The following PTPRD variants were observed in gnomAD, a reference collection of about 807,000 sequenced individuals.
PTPRD encodes the protein receptor-type tyrosine-protein phosphatase delta.
Under a neutral mutation model 214.5 loss-of-function variants are expected in PTPRD, and 34 were observed. The observed-to-expected ratio is 0.16, with a 90% CI of 0.12 to 0.21. The LOEUF (loss-of-function observed/expected upper bound fraction) is 0.21, where lower values mean the gene tolerates loss of function less well. Ranked by LOEUF, PTPRD falls within the 10% of genes least tolerant of loss-of-function variation. The pLI is 1.00. For missense variants in PTPRD, 2,545 were observed against 2,398.7 expected, an observed-to-expected ratio of 1.06 and a Z score of -1.27; for synonymous variants, 1,128 against 845.7, an observed-to-expected ratio of 1.33 and a Z score of -5.79.
intron 3 of PTPRD, among the ~76,000 whole-genome samples, chr9:10,251,340 T>G (rs190055528): frequency 2.5e-4 from 38 of 152,036 alleles, no homozygotes; most frequent in Non-Finnish European, 5.6e-4. Context: ...ATTAAGTAAA[T>G]CAAGGTCATA....
At chr9:9,594,497 C>T (rs1445311579) in intron 7 of PTPRD, among the ~76,000 whole-genome samples, 1 of 152,016 alleles carries the variant, frequency 6.6e-6, no homozygotes, top group Non-Finnish European at 1.5e-5. Flanking sequence ...ATGTGGCTTG[C>T]CAATTATCCC....
At chr9:8,538,280 T>G (rs2077435958) in intron 14 of PTPRD, among the ~76,000 whole-genome samples, 1 of 152,026 alleles carries the variant, frequency 6.6e-6, no homozygotes, top group Admixed American at 6.6e-5. Flanking sequence ...AATCATAAAA[T>G]GAATTTTATT....
chr9:10,175,971 C>T (rs573978842), intron 3 of PTPRD, among the ~76,000 whole-genome samples: 10 of 152,018 alleles, frequency 6.6e-5, no homozygotes, highest in Admixed American at 3.3e-4. Flanking sequence ...AGTAGAGTAA[C>T]AATAGACATA....
At chr9:9,209,871 G>T (rs1326423863) in intron 9 of PTPRD, among the ~76,000 whole-genome samples, 1 of 152,120 alleles carries the variant, frequency 6.6e-6, no homozygotes, top group East Asian at 1.9e-4. Flanking sequence ...TCCTGGGTCA[G>T]ATACAAAGGA....
At chr9:8,649,823 G>C (rs989070599) in intron 12 of PTPRD, among the ~76,000 whole-genome samples, 12 of 152,116 alleles carry the variant, frequency 7.9e-5, no homozygotes, top group Non-Finnish European at 1.0e-4. Context: ...TAAAATATTA[G>C]ATGATTCCAA....
At chr9:9,584,512 T>C (rs988394565) in intron 7 of PTPRD, among the ~76,000 whole-genome samples, 2 of 151,918 alleles carry the variant, frequency 1.3e-5, no homozygotes. Flanking sequence ...CCCTCCCATT[T>C]TGTACCTGCT....
intron 11 of PTPRD, among the ~76,000 whole-genome samples, chr9:8,750,315 G>A (rs993326545): frequency 3.3e-5 from 5 of 151,706 alleles, no homozygotes; most frequent in Middle Eastern, 3.2e-3. Flanking sequence ...GGGCCACCAC[G>A]CCCGGCTAAT....
intron 2 of PTPRD, among the ~76,000 whole-genome samples, chr9:10,420,646 G>A (rs1028252020): frequency 6.6e-6 from 1 of 151,710 alleles, no homozygotes; most frequent in African/African-American, 2.4e-5. Context: ...TTCTTATACC[G>A]AATTCTCAAC....
chr9:8,409,532 T>G (rs2093343793), intron 35 of PTPRD, among the ~76,000 whole-genome samples: 1 of 152,216 alleles, frequency 6.6e-6, no homozygotes, highest in Non-Finnish European at 1.5e-5. Context: ...CACATCAGAT[T>G]ACAGTCACCA....
chr9:9,612,112 G>T (rs1053202948), intron 7 of PTPRD, among the ~76,000 whole-genome samples: 1 of 151,820 alleles, frequency 6.6e-6, no homozygotes, highest in African/African-American at 2.4e-5. Context: ...ATATGTAAAT[G>T]AATATAGAAA....
At chr9:9,716,856 G>T (rs374980238) in intron 7 of PTPRD, among the ~76,000 whole-genome samples, 17 of 151,756 alleles carry the variant, frequency 1.1e-4, no homozygotes, top group South Asian at 6.2e-4. Context: ...TTAGTTTAAT[G>T]AGATCCCATT....
intron 5 of PTPRD, among the ~76,000 whole-genome samples, chr9:9,915,975 A>G (rs1033693817): frequency 1.3e-5 from 2 of 152,064 alleles, no homozygotes; most frequent in Non-Finnish European, 2.9e-5. Flanking sequence ...AAAGAAAAAC[A>G]TTAAGTAACA....
intron 8 of PTPRD, among the ~76,000 whole-genome samples, chr9:9,473,562 C>T (rs1024355009): frequency 1.8e-4 from 28 of 152,096 alleles, no homozygotes; most frequent in African/African-American, 6.3e-4. Flanking sequence ...TCCTGTTTTT[C>T]ACAACTGCTG....
chr9:10,161,766 T>C (rs1564225446), intron 3 of PTPRD, among the ~76,000 whole-genome samples: 1 of 151,676 alleles, frequency 6.6e-6, no homozygotes, highest in Non-Finnish European at 1.5e-5. Context: ...ATAACTTAAA[T>C]GGGAGAAAAT....
Position 8,437,072 on chromosome 9 carries a change from A to C in PTPRD, c.3989-383T>G, listed in dbSNP as rs2095381102. The C allele has an allele frequency of 1.0e-5, 7 of 688,332 alleles. No homozygotes were observed. The Admixed American group carries it at 2.1e-4, about 21-fold the overall frequency. 42.6% of individuals were successfully genotyped at this position (688,332 alleles called of 1,614,324 possible). A position where few individuals can be genotyped will look rare whatever the true frequency, so the allele number is the denominator to read the frequency against. ...CTTCTCCTGCACTGTGTGAAATGGA[A>C]ATTGTGTGGAATTAAATGGTGTAAA... On this transcript the variant is annotated intron_variant, in intron 34 of 45. Transcript: ENST00000381196.
chr9:10,171,343 G>A (rs762236016), intron 3 of PTPRD, among the ~76,000 whole-genome samples: 11 of 151,842 alleles, frequency 7.2e-5, no homozygotes, highest in Admixed American at 1.3e-4. Flanking sequence ...TATGGTTCCT[G>A]ATACGAGATC....
At chr9:9,686,775 C>T (rs2154400953) in intron 7 of PTPRD, among the ~76,000 whole-genome samples, 1 of 151,658 alleles carries the variant, frequency 6.6e-6, no homozygotes, top group African/African-American at 2.4e-5. Flanking sequence ...TATACAGTGA[C>T]TATGCATAAA....
intron 6 of PTPRD, among the ~76,000 whole-genome samples, chr9:9,744,548 T>C (rs997024150): frequency 2.0e-5 from 3 of 152,040 alleles, no homozygotes; most frequent in Non-Finnish European, 4.4e-5. Flanking sequence ...CCCATAACCT[T>C]TGCTATTGTA....
At chr9:9,458,564 A>T (rs893163791) in intron 8 of PTPRD, among the ~76,000 whole-genome samples, 2 of 151,884 alleles carry the variant, frequency 1.3e-5, no homozygotes, top group Non-Finnish European at 1.5e-5. Flanking sequence ...ATAAAAGCTT[A>T]AAAAAAATCA....
Sources: gnomAD v4.1 joint callset for allele counts (sites outside exome capture counted in the v4.1 genomes callset) on GRCh38, gnomAD v4.1.1 for gene constraint, MANE v1.5 for transcripts, NCBI Gene and HGNC (gene_info 2026-07-23, HGNC 2026-07-21) for gene names.